PRSS12: variants seen among roughly 807,000 people sequenced by gnomAD.
The protein encoded by PRSS12 is neurotrypsin.
Under a neutral mutation model 104.4 loss-of-function variants are expected in PRSS12, and 85 were observed. The observed-to-expected ratio is 0.81, with a 90% CI of 0.68 to 0.98. The LOEUF is 0.98. Among genes scored for constraint, PRSS12 ranks in the 50% least tolerant of loss-of-function variants. The pLI, the probability that PRSS12 is intolerant of heterozygous loss-of-function variation, is 0.00. For synonymous variants in PRSS12, 454 were observed against 425.2 expected (o/e 1.07, Z -0.83); for missense variants, 1,141 against 1,139.2 (o/e 1.00, Z -0.02).
intron 8 of PRSS12, among the ~76,000 whole-genome samples, chr4:118,307,785 C>T (rs1342811307): frequency 6.6e-6 from 1 of 152,122 alleles, no homozygotes; most frequent in African/African-American, 2.4e-5. Context: ...TGCATTTTCT[C>T]TCTAAGTCAC....
At chr4:118,304,878 A>T (rs1337466498) in intron 8 of PRSS12, among the ~76,000 whole-genome samples, 1 of 151,758 alleles carries the variant, frequency 6.6e-6, no homozygotes, top group Non-Finnish European at 1.5e-5. Flanking sequence ...TTCTAATACC[A>T]TTTTGATTCT....
At chr4:118,296,975 T>TCA (rs1743268544) in intron 9 of PRSS12, among the ~76,000 whole-genome samples, 1 of 152,156 alleles carries the variant, frequency 6.6e-6, no homozygotes, top group Admixed American at 6.5e-5. Flanking sequence ...ACAAGCAAAA[T>TCA]TTTAAGTTTA....
At chr4:118,323,269 C>G (rs1043175681) in intron 4 of PRSS12, among the ~76,000 whole-genome samples, 3 of 151,956 alleles carry the variant, frequency 2.0e-5, no homozygotes, top group African/African-American at 7.2e-5. Context: ...AGATTAACAG[C>G]CTTCTTGGAT....
At chr4:118,308,701 T>C (rs189038922) in intron 7 of PRSS12, 124 bp from the exon 8 acceptor site, 1 of 1,336,046 alleles carries the variant, frequency 7.5e-7, no homozygotes. Flanking sequence ...GAAATACTTT[T>C]TTGAGAGAGA....
At chr4:118,299,784 TA>T (rs1210616466) in intron 8 of PRSS12, among the ~76,000 whole-genome samples, 66 of 89,006 alleles carry the variant, frequency 7.4e-4, no homozygotes, top group Non-Finnish European at 1.0e-3. Context: ...TAAAATAAAA[TA>T]AAATAAAATA....
chr4:118,286,088 C>T (rs1235605421), intron 11 of PRSS12, among the ~76,000 whole-genome samples: 2 of 152,170 alleles, frequency 1.3e-5, no homozygotes, highest in East Asian at 3.9e-4. Flanking sequence ...CATGCCAAGA[C>T]TATTGCAGTA....
At chr4:118,336,236 C>G (rs1724062916) in intron 2 of PRSS12, among the ~76,000 whole-genome samples, 1 of 152,092 alleles carries the variant, frequency 6.6e-6, no homozygotes, top group Non-Finnish European at 1.5e-5. Context: ...GCCTTTGAAA[C>G]CAATTAATAA....
At chr4:118,332,817 C>A (rs1723962021) in intron 3 of PRSS12, among the ~76,000 whole-genome samples, 3 of 152,156 alleles carry the variant, frequency 2.0e-5, no homozygotes, top group Admixed American at 1.3e-4. Context: ...TAATTGGCAA[C>A]ATCTATTCAT....
chr4:118,302,391 G>A (rs1269846651), intron 8 of PRSS12, among the ~76,000 whole-genome samples: 1 of 152,188 alleles, frequency 6.6e-6, no homozygotes, highest in Non-Finnish European at 1.5e-5. Context: ...TAAATGGAAA[G>A]ATTTCCATAA....
At chr4:118,311,212 C>T (rs542749226) in intron 7 of PRSS12, among the ~76,000 whole-genome samples, 1 of 152,212 alleles carries the variant, frequency 6.6e-6, no homozygotes, top group Admixed American at 6.5e-5. Flanking sequence ...TTTTTACCAT[C>T]CCAGAAATTT....
chr4:118,326,219 G>A (rs1186421341), intron 4 of PRSS12, among the ~76,000 whole-genome samples: 1 of 152,102 alleles, frequency 6.6e-6, no homozygotes, highest in Non-Finnish European at 1.5e-5. Flanking sequence ...TACAGAGTTT[G>A]TAATCCATGG....
Position 118,280,269 on chromosome 4 carries a change from A to ATTC in PRSS12, c.*1666_*1667insGAA, listed in dbSNP as rs951467491. The ATTC allele has an allele frequency of 2.0e-5, 3 of 152,210 alleles. No homozygotes were observed. Among genetic ancestry groups the ATTC allele is most frequent in the Non-Finnish European group, 4.4e-5 (3 of 68,034 alleles). 9.4% of individuals were successfully genotyped at this position (152,210 alleles called of 1,614,324 possible). A position where few individuals can be genotyped will look rare whatever the true frequency, so the allele number is the denominator to read the frequency against. On this transcript the variant is annotated 3_prime_UTR_variant, in exon 13 of 13. Transcript: ENST00000296498. ...TAATTATAAGGGCAGCCTGTGAGAA[A>ATTC]GTTTCAATAGACATTTTTCTCACCT... is the stretch of plus-strand genomic sequence containing the variant.
chr4:118,303,542 T>C (rs1219613917), intron 8 of PRSS12: 1 of 152,154 alleles, frequency 6.6e-6, no homozygotes. Context: ...TTAAGGACTC[T>C]GCCATCCATA....
chr4:118,289,527 C>T (rs1743085235), intron 11 of PRSS12, among the ~76,000 whole-genome samples: 1 of 152,188 alleles, frequency 6.6e-6, no homozygotes. Flanking sequence ...ACAGGAACCT[C>T]TCAGAGCCCT....
At chr4:118,309,914 T>G (rs372832238) in intron 7 of PRSS12, among the ~76,000 whole-genome samples, 1 of 152,218 alleles carries the variant, frequency 6.6e-6, no homozygotes, top group African/African-American at 2.4e-5. Flanking sequence ...TCTCCATCCT[T>G]CTGTGTTGCC....
chr4:118,312,852 T>C (rs1743783642), intron 7 of PRSS12: 3 of 312,026 alleles, frequency 9.6e-6, no homozygotes, highest in Non-Finnish European at 1.8e-5. Flanking sequence ...AATAGCTCAC[T>C]AGAATTCAAG....
chr4:118,316,825 G>GAA lies in PRSS12; in HGVS notation c.1151-504_1151-503dup, dbSNP rs1553956358. ...CAACAAAGCGAGACTCCGTCTCACG[G>GAA]AAAAAAAAAAAAATATATATATATA... On this transcript the variant is annotated intron_variant, in intron 5 of 12. Coordinates refer to ENST00000296498, the MANE Select transcript of PRSS12 (RefSeq NM_003619.4). Among the ~76,000 whole-genome samples the GAA allele has an allele frequency of 5.6e-3, 511 of 91,532 alleles. 9 individuals carry two copies. The highest frequency in any genetic ancestry group is 0.017 in the Middle Eastern group (2 of 118). The allele number at this position is 91,532 out of a possible 152,430, so 60.0% of individuals were successfully genotyped here.
chr4:118,300,078 T>C (rs1350826266), intron 8 of PRSS12, among the ~76,000 whole-genome samples: 1 of 151,922 alleles, frequency 6.6e-6, no homozygotes, highest in Non-Finnish European at 1.5e-5. Context: ...TGGCGTGATC[T>C]CGGCTCACTG....
chr4:118,323,354 G>A (rs1414140939), intron 4 of PRSS12, among the ~76,000 whole-genome samples: 1 of 151,924 alleles, frequency 6.6e-6, no homozygotes, highest in Non-Finnish European at 1.5e-5. Context: ...ATTGAGCCAT[G>A]ATTAGGTGCT....
Sources: allele counts gnomAD v4.1 joint callset (sites outside exome capture counted in the v4.1 genomes callset), GRCh38; gene constraint gnomAD v4.1.1; transcripts MANE v1.5; gene names NCBI Gene and HGNC (gene_info 2026-07-23, HGNC 2026-07-21).